KIAA1217: variants seen among roughly 807,000 people sequenced by gnomAD.
KIAA1217 encodes sickle tail protein homolog.
In KIAA1217, 88 loss-of-function variants were observed where a neutral mutation model predicts 163.9. That is an observed-to-expected ratio of 0.54 (90% CI 0.45 to 0.64). KIAA1217 has a LOEUF of 0.64. KIAA1217 is among the 30% of genes least tolerant of loss of function. The pLI, the probability that KIAA1217 is intolerant of heterozygous loss-of-function variation, is 0.00. For synonymous variants in KIAA1217, 903 were observed against 923.1 expected (o/e 0.98, Z 0.39); for missense variants, 2,372 against 2,475.0 (o/e 0.96, Z 0.88).
chr10:24,545,283 G>C, intron 20 of KIAA1217, 180 bp downstream of exon 20: 1 of 1,409,744 alleles, frequency 7.1e-7, no homozygotes, highest in Non-Finnish European at 9.2e-7. Context: ...CCACGCTTTT[G>C]CATGCTTGCA....
In KIAA1217 at chr10:23,864,459, TTTATA is replaced by T. The variant is rs931588848; in HGVS notation, c.-320-142758_-320-142754del. On this transcript the variant is annotated intron_variant, in intron 1 of 18. Coordinates refer to the KIAA1217 transcript ENST00000376462. ...TACTTGCAGTTTTACTGTACTTTCT[TTTATA>T]TTATATTTCTAATTTATTCTAGATT... Among the ~76,000 whole-genome samples, 16 of 151,912 alleles carry T rather than the reference TTTATA, an allele frequency of 1.1e-4. 1 individual carries two copies. The highest frequency in any genetic ancestry group is 7.2e-4 in the Admixed American group (11 of 15,236).
intron 1 of KIAA1217, among the ~76,000 whole-genome samples, chr10:23,756,163 A>G (rs935300544): frequency 4.0e-4 from 60 of 150,454 alleles, no homozygotes; most frequent in African/African-American, 1.4e-3. Context: ...AGGTCTCACT[A>G]TGTTGCCCAA....
At chr10:24,464,674 T>C (rs538771552) in intron 5 of KIAA1217, among the ~76,000 whole-genome samples, 1 of 152,254 alleles carries the variant, frequency 6.6e-6, no homozygotes, top group African/African-American at 2.4e-5. Flanking sequence ...TTGTATAGGC[T>C]GGGCCTCCCT....
rs1032456112 is a variant in KIAA1217, at chr10:24,226,074, T to C, written c.354+6165T>C. On this transcript the variant is annotated intron_variant, in intron 2 of 20. Transcript: ENST00000376454. ...GATTTCTTAACTAAGAAGTTAGGAA[T>C]GGCTAAGTAATTTTCCCCTAAGTTA... Among the ~76,000 whole-genome samples the C allele has an allele frequency of 6.6e-5, 10 of 152,196 alleles. 4 individuals are homozygous for C. Among genetic ancestry groups the C allele is most frequent in the Admixed American group, 6.5e-4 (10 of 15,268 alleles).
intron 2 of KIAA1217, among the ~76,000 whole-genome samples, chr10:24,103,868 A>G (rs1000368409): frequency 7.2e-5 from 11 of 152,200 alleles, no homozygotes; most frequent in Non-Finnish European, 1.2e-4. Flanking sequence ...GAATGAATAG[A>G]TAAATAGTTC....
At chr10:23,901,840 G>A (rs956388085) in intron 1 of KIAA1217, among the ~76,000 whole-genome samples, 2 of 151,160 alleles carry the variant, frequency 1.3e-5, no homozygotes, top group East Asian at 3.9e-4. Context: ...GAACCTGGGA[G>A]GTGGAGATTG....
intron 2 of KIAA1217, among the ~76,000 whole-genome samples, chr10:24,089,597 G>A (rs2061846127): frequency 6.6e-6 from 1 of 151,732 alleles, no homozygotes; most frequent in African/African-American, 2.4e-5. Flanking sequence ...TCAAAGATCA[G>A]ATAGTTGTAG....
intron 2 of KIAA1217, among the ~76,000 whole-genome samples, chr10:24,287,078 C>T (rs1408161391): frequency 3.3e-5 from 5 of 152,120 alleles, no homozygotes; most frequent in Admixed American, 3.3e-4. Context: ...GAGATGGAGT[C>T]TTGCTCTGTC....
chr10:23,826,278 TA>T (rs1837896503), intron 1 of KIAA1217, among the ~76,000 whole-genome samples: 1 of 152,350 alleles, frequency 6.6e-6, no homozygotes, highest in African/African-American at 2.4e-5. Context: ...TGAAATTTTA[TA>T]ACAGGTTTAG....
At chr10:24,400,209 G>T (rs980887008) in intron 3 of KIAA1217, among the ~76,000 whole-genome samples, 3 of 152,186 alleles carry the variant, frequency 2.0e-5, no homozygotes, top group African/African-American at 7.2e-5. Flanking sequence ...AGAAACAAAA[G>T]CCCTAGACAG....
intron 1 of KIAA1217, among the ~76,000 whole-genome samples, chr10:23,721,809 G>C (rs1315270969): frequency 6.6e-6 from 1 of 152,042 alleles, no homozygotes; most frequent in Admixed American, 6.6e-5. Flanking sequence ...AGCTCAGAAA[G>C]TGAGTACTCC....
intron 1 of KIAA1217, among the ~76,000 whole-genome samples, chr10:23,824,533 C>A (rs1042671906): frequency 5.6e-5 from 8 of 142,690 alleles, no homozygotes; most frequent in African/African-American, 2.1e-4. Context: ...GAGGCTGAGG[C>A]AGGAGAATTG....
At chr10:24,187,525 A>T (rs966771541) in intron 2 of KIAA1217, among the ~76,000 whole-genome samples, 3 of 152,246 alleles carry the variant, frequency 2.0e-5, no homozygotes, top group African/African-American at 7.2e-5. Flanking sequence ...ACACTTGAAG[A>T]TTCATCATGC....
chr10:23,736,973 G>A (rs1838841944), intron 1 of KIAA1217, among the ~76,000 whole-genome samples: 1 of 152,042 alleles, frequency 6.6e-6, no homozygotes. Flanking sequence ...GAGATTTTGA[G>A]TGAATTCTAT....
chr10:24,388,894 G>C (rs1400281000), intron 3 of KIAA1217, among the ~76,000 whole-genome samples: 1 of 138,120 alleles, frequency 7.2e-6, no homozygotes, highest in East Asian at 2.2e-4. Context: ...TCATTAAAAA[G>C]TCAGGAAACG....
In KIAA1217 at chr10:24,307,730, C is replaced by T. The variant is rs546641242; in HGVS notation, c.355-73139C>T. Among the ~76,000 whole-genome samples the T allele has an allele frequency of 5.3e-4, 80 of 152,108 alleles. 1 individual carries two copies. Among genetic ancestry groups the T allele is most frequent in the African/African-American group, 1.9e-3 (79 of 41,468 alleles). On this transcript the variant is annotated intron_variant, in intron 2 of 20. Transcript: ENST00000376454. ...GTAAGAGGTCGGGGCTACATTGAGC[C>T]GTGATTGTGCTACTGCACTTAGCCT...
intron 1 of KIAA1217, among the ~76,000 whole-genome samples, chr10:23,943,992 T>C (rs7074288): frequency 0.016 from 2,366 of 152,250 alleles, 73 homozygotes; most frequent in African/African-American, 0.052. Flanking sequence ...CAAATATAGG[T>C]CAATCTCCTT....
At chr10:23,940,439 G>A (rs12763808) in intron 1 of KIAA1217, among the ~76,000 whole-genome samples, 28,416 of 119,058 alleles carry the variant, frequency 0.24, 3,106 homozygotes, top group Middle Eastern at 0.45. Context: ...CAGCCTGGGC[G>A]ACAACAGAGA....
chr10:23,729,906 AATTTTTT>A (rs1564372256), intron 1 of KIAA1217, among the ~76,000 whole-genome samples: 3 of 118,802 alleles, frequency 2.5e-5, no homozygotes, highest in Non-Finnish European at 5.2e-5. Context: ...TTTTCTATGA[AATTTTTT>A]TTTTTTTTGA....
Sources: gnomAD v4.1 joint callset for allele counts (sites outside exome capture counted in the v4.1 genomes callset) on GRCh38, gnomAD v4.1.1 for gene constraint, MANE v1.5 for transcripts, NCBI Gene and HGNC (gene_info 2026-07-23, HGNC 2026-07-21) for gene names.